TAOK3: variants seen among roughly 807,000 people sequenced by gnomAD.
TAOK3 encodes serine/threonine-protein kinase TAO3.
Under a neutral mutation model 120.4 loss-of-function variants are expected in TAOK3, and 40 were observed. The observed-to-expected ratio is 0.33, with a 90% CI of 0.26 to 0.43. The LOEUF is 0.43. Among genes scored for constraint, TAOK3 ranks in the 20% least tolerant of loss-of-function variants. TAOK3 has a pLI of 1.00. For synonymous variants in TAOK3, 355 were observed against 387.5 expected (o/e 0.92, Z 0.99); for missense variants, 821 against 1,112.1 (o/e 0.74, Z 3.72).
At chr12:118,358,129 A>G (rs1053582162) in intron 1 of TAOK3, among the ~76,000 whole-genome samples, 8 of 152,188 alleles carry the variant, frequency 5.3e-5, no homozygotes, top group African/African-American at 1.9e-4. Flanking sequence ...GATTTATAAC[A>G]TATTTTGCAT....
intron 1 of TAOK3, among the ~76,000 whole-genome samples, chr12:118,327,709 G>A (rs1159811077): frequency 1.3e-5 from 2 of 152,160 alleles, no homozygotes; most frequent in African/African-American, 4.8e-5. Flanking sequence ...TTATTGGCAT[G>A]TAGAATTTCC....
chr12:118,208,675 G>A (rs761845105), intron 11 of TAOK3, among the ~76,000 whole-genome samples: 3 of 151,982 alleles, frequency 2.0e-5, no homozygotes, highest in Non-Finnish European at 2.9e-5. Flanking sequence ...CCACATTGAT[G>A]AGCAATCCCA....
At position 118,161,687 on chromosome 12, in the gene TAOK3, G is replaced by A. The variant is rs2035228919; in HGVS notation, c.2139+101C>T. The A allele has an allele frequency of 1.4e-6, 2 of 1,446,326 alleles. No homozygotes were observed. The highest frequency in any genetic ancestry group is 1.4e-5 in the African/African-American group (1 of 71,480). 89.6% of individuals were successfully genotyped at this position (1,446,326 alleles called of 1,614,324 possible). ...GATTCTGATACAATAGGTGTGGGGTGCAGAAATTTGTGATTCTGAAAAGTT... is the reference window on the plus strand; with the variant it reads ...GATTCTGATACAATAGGTGTGGGGTACAGAAATTTGTGATTCTGAAAAGTT... On this transcript the variant is annotated intron_variant, in intron 18 of 20. Coordinates refer to ENST00000392533, the MANE Select transcript of TAOK3 (RefSeq NM_016281.4). This position sits in a 1 kb window ranked among gnomAD's most constrained non-coding sequence, Gnocchi z 4.5.
intron 11 of TAOK3, among the ~76,000 whole-genome samples, chr12:118,210,577 C>T (rs2038569812): frequency 6.6e-6 from 1 of 152,064 alleles, no homozygotes; most frequent in African/African-American, 2.4e-5. Flanking sequence ...TTCATGGTCC[C>T]CCTCTTCATG....
intron 3 of TAOK3, among the ~76,000 whole-genome samples, chr12:118,253,812 G>A (rs2040863613): frequency 6.6e-6 from 1 of 151,676 alleles, no homozygotes; most frequent in Non-Finnish European, 1.5e-5. Flanking sequence ...CCACCACTTT[G>A]GGAGGCCGAG....
chr12:118,219,249 A>C (rs1041155415), intron 9 of TAOK3, among the ~76,000 whole-genome samples: 31 of 151,830 alleles, frequency 2.0e-4, no homozygotes, highest in African/African-American at 7.5e-4. Context: ...ATCTGGGTAC[A>C]TCTTTTTGTG....
intron 1 of TAOK3, among the ~76,000 whole-genome samples, chr12:118,305,446 C>A (rs1432370212): frequency 2.0e-5 from 3 of 151,826 alleles, no homozygotes; most frequent in South Asian, 2.1e-4. Context: ...GCACTCCAGC[C>A]TGGGTGACAA....
chr12:118,316,179 A>C (rs2140900796), intron 1 of TAOK3, among the ~76,000 whole-genome samples: 1 of 152,334 alleles, frequency 6.6e-6, no homozygotes. Flanking sequence ...TGTCTGGTTT[A>C]AAAATGTTCA....
At chr12:118,267,512 G>A (rs1413971457) in intron 1 of TAOK3, among the ~76,000 whole-genome samples, 3 of 151,462 alleles carry the variant, frequency 2.0e-5, no homozygotes, top group Non-Finnish European at 4.4e-5. Flanking sequence ...ACCGCGCCCG[G>A]CTGGAGTGAT....
chr12:118,155,416 T>C lies in TAOK3; in HGVS notation c.2353-3007A>G, dbSNP rs1006547000. On this transcript the variant is annotated intron_variant, in intron 19 of 20. Transcript: ENST00000392533. ...ACAGAGACCCTGTGGTCCACAAAGCTAATTACTATCTGTCCCTTTACAGAC... is the reference window on the plus strand; with the variant it reads ...ACAGAGACCCTGTGGTCCACAAAGCCAATTACTATCTGTCCCTTTACAGAC... Among the ~76,000 whole-genome samples the C allele has an allele frequency of 5.2e-5, 8 of 152,386 alleles. No individual in the cohort carries two copies. In the South Asian group the frequency reaches 1.4e-3, roughly 28 times the overall value.
At chr12:118,175,477 A>G (rs1043672184) in intron 16 of TAOK3, among the ~76,000 whole-genome samples, 3 of 152,022 alleles carry the variant, frequency 2.0e-5, no homozygotes, top group African/African-American at 7.2e-5. Flanking sequence ...AATACAAAAA[A>G]TTAGCTGGGC....
chr12:118,337,854 C>T (rs116921089), intron 1 of TAOK3, among the ~76,000 whole-genome samples: 4 of 152,114 alleles, frequency 2.6e-5, no homozygotes, highest in East Asian at 1.9e-4. Context: ...ATATATAAAC[C>T]GACATGGGAA....
intron 14 of TAOK3, among the ~76,000 whole-genome samples, chr12:118,185,251 T>C (rs1011586313): frequency 2.6e-5 from 4 of 152,162 alleles, no homozygotes; most frequent in African/African-American, 4.8e-5. Context: ...AGACCAAAAC[T>C]TTTTTTCTAA....
At chr12:118,303,844 C>T (rs1464300007) in intron 1 of TAOK3, among the ~76,000 whole-genome samples, 2 of 152,198 alleles carry the variant, frequency 1.3e-5, no homozygotes, top group Non-Finnish European at 2.9e-5. Context: ...GATGGGGTTT[C>T]GCCATGTTGG....
At chr12:118,189,392 A>G (rs2037279684) in intron 14 of TAOK3, among the ~76,000 whole-genome samples, 1 of 152,142 alleles carries the variant, frequency 6.6e-6, no homozygotes, top group Non-Finnish European at 1.5e-5. Context: ...GTGCATACAT[A>G]TACATCAATA....
intron 9 of TAOK3, among the ~76,000 whole-genome samples, chr12:118,217,214 T>C (rs79736758): frequency 0.055 from 8,401 of 152,244 alleles, 436 homozygotes; most frequent in East Asian, 0.23. Context: ...AAGGAAAAAT[T>C]TGGACACAGC....
intron 1 of TAOK3, among the ~76,000 whole-genome samples, chr12:118,345,918 T>G (rs2044838369): frequency 6.6e-6 from 1 of 152,138 alleles, no homozygotes; most frequent in South Asian, 2.1e-4. Flanking sequence ...GAAGTTATAT[T>G]TAGAGACAGA....
Position 118,331,922 on chromosome 12 carries a change from G to C in TAOK3, c.-194+40726C>G, listed in dbSNP as rs550615945. On this transcript the variant is annotated intron_variant, in intron 1 of 20. Coordinates refer to ENST00000392533, the MANE Select transcript of TAOK3 (RefSeq NM_016281.4). Reference sequence around the variant, plus strand: ...GCTCACTGCAACCTCCGCCTCCTGGGTTCAAGCAATTCTCCTGCCTCAGTC... The same window carrying C: ...GCTCACTGCAACCTCCGCCTCCTGGCTTCAAGCAATTCTCCTGCCTCAGTC... Among the ~76,000 whole-genome samples the C allele has an allele frequency of 1.2e-3, 175 of 151,874 alleles. 1 individual carries two copies. The highest frequency in any genetic ancestry group is 3.8e-3 in the African/African-American group (159 of 41,468).
intron 1 of TAOK3, among the ~76,000 whole-genome samples, chr12:118,313,581 G>A (rs2043342607): frequency 6.6e-6 from 1 of 152,246 alleles, no homozygotes; most frequent in African/African-American, 2.4e-5. Context: ...GGCTGAGAAA[G>A]GCTGTTTCTT....
Sources: gnomAD v4.1 joint callset for allele counts (sites outside exome capture counted in the v4.1 genomes callset) on GRCh38, gnomAD v4.1.1 for gene constraint, Gnocchi (gnomAD v3.1) non-coding constraint, MANE v1.5 for transcripts, NCBI Gene and HGNC (gene_info 2026-07-23, HGNC 2026-07-21) for gene names.